ATG4C: variants seen among roughly 807,000 people sequenced by gnomAD.
ATG4C encodes cysteine protease ATG4C.
Under a neutral mutation model 57.6 loss-of-function variants are expected in ATG4C, and 56 were observed. The observed-to-expected ratio is 0.97, with a 90% CI of 0.78 to 1.21. ATG4C has a LOEUF of 1.21. Ranked by LOEUF, ATG4C falls within the 50% of genes most tolerant of loss-of-function variation. The probability of loss-of-function intolerance (pLI) is 0.00; values close to 1 mark genes in which losing one functional copy is unlikely to be tolerated. For missense variants in ATG4C, 595 were observed against 529.8 expected (o/e 1.12, Z -1.21); for synonymous variants, 157 against 174.1 (o/e 0.90, Z 0.78).
chr1:62,842,429 G>A (rs1398010394), intron 10 of ATG4C, among the ~76,000 whole-genome samples: 1 of 151,784 alleles, frequency 6.6e-6, no homozygotes, highest in East Asian at 1.9e-4. Context: ...AGCCTCCTGA[G>A]TAGCTGGGAT....
intron 6 of ATG4C, 67 bp from the exon 7 acceptor site, chr1:62,828,973 G>A: frequency 1.4e-6 from 2 of 1,426,156 alleles, no homozygotes; most frequent in Non-Finnish European, 1.9e-6. Flanking sequence ...GGATAAATTT[G>A]GGTAAAAATA....
chr1:62,837,084 A>G (rs1465585200), intron 9 of ATG4C, among the ~76,000 whole-genome samples: 1 of 151,798 alleles, frequency 6.6e-6, no homozygotes, highest in Non-Finnish European at 1.5e-5. Context: ...TAAGCCCTTG[A>G]GTCCTCTGTT....
intron 1 of ATG4C, chr1:62,785,371 C>A (rs1426410497): frequency 6.6e-6 from 1 of 152,168 alleles, no homozygotes; most frequent in African/African-American, 2.4e-5. Context: ...CCAGTTCATT[C>A]GCTATAAAAT....
At chr1:62,837,510 C>T (rs1005506781) in intron 9 of ATG4C, among the ~76,000 whole-genome samples, 2 of 152,136 alleles carry the variant, frequency 1.3e-5, no homozygotes, top group Admixed American at 1.3e-4. Flanking sequence ...GAAGAGACCT[C>T]AAATGGGCTT....
rs1457160578 is a variant in ATG4C, at chr1:62,865,271, TATTA to T, written c.*1116_*1119del. 4 of 151,920 alleles carry T rather than the reference TATTA, an allele frequency of 2.6e-5. No individual in the cohort carries two copies. The highest frequency in any genetic ancestry group is 6.6e-5 in the Admixed American group (1 of 15,248). 9.4% of individuals were successfully genotyped at this position (151,920 alleles called of 1,614,324 possible). On this transcript the variant is annotated 3_prime_UTR_variant, in exon 11 of 11. Coordinates refer to ENST00000317868, the MANE Select transcript of ATG4C (RefSeq NM_032852.4). ...AATGCATATATTGCTCTGAAAACAA[TATTA>T]ATTTTTTTAAGTGGAGCTTTCATGT...
chr1:62,840,201 C>T (rs1328015534), intron 9 of ATG4C, among the ~76,000 whole-genome samples: 1 of 152,130 alleles, frequency 6.6e-6, no homozygotes, highest in Non-Finnish European at 1.5e-5. Flanking sequence ...CTTGCCCAGG[C>T]TGAAGTGTAG....
intron 3 of ATG4C, among the ~76,000 whole-genome samples, chr1:62,809,724 A>G (rs1322087371): frequency 6.6e-6 from 1 of 151,330 alleles, no homozygotes; most frequent in Non-Finnish European, 1.5e-5. Context: ...TGAATATGCA[A>G]TGAATATGAA....
At chr1:62,804,228 A>G (rs2100296457) in intron 2 of ATG4C, among the ~76,000 whole-genome samples, 1 of 151,880 alleles carries the variant, frequency 6.6e-6, no homozygotes, top group African/African-American at 2.4e-5. Context: ...CTGGGACTAC[A>G]GGTGCGCACT....
intron 10 of ATG4C, among the ~76,000 whole-genome samples, chr1:62,854,346 T>G (rs1343175830): frequency 6.6e-6 from 1 of 151,412 alleles, no homozygotes; most frequent in Admixed American, 6.6e-5. Context: ...TGGCGCGATC[T>G]TGGTTCACTG....
chr1:62,853,228 A>T (rs898096841), intron 10 of ATG4C, among the ~76,000 whole-genome samples: 1 of 150,658 alleles, frequency 6.6e-6, no homozygotes, highest in African/African-American at 2.4e-5. Flanking sequence ...GCCAAATGAA[A>T]TTTTTTTTTT....
At chr1:62,838,580 C>A (rs1054404453) in intron 9 of ATG4C, among the ~76,000 whole-genome samples, 1 of 152,044 alleles carries the variant, frequency 6.6e-6, no homozygotes, top group African/African-American at 2.4e-5. Context: ...GAGTTTGAGA[C>A]CAGCCTGGCC....
At chr1:62,847,983 T>C (rs1304853803) in intron 10 of ATG4C, among the ~76,000 whole-genome samples, 1 of 152,222 alleles carries the variant, frequency 6.6e-6, no homozygotes, top group Non-Finnish European at 1.5e-5. Context: ...TAATCTTCTA[T>C]TAATAATCTT....
At chr1:62,863,005 G>A (rs575041459) in intron 10 of ATG4C, among the ~76,000 whole-genome samples, 2 of 151,868 alleles carry the variant, frequency 1.3e-5, no homozygotes, top group Non-Finnish European at 2.9e-5. Flanking sequence ...CTGTGGCCCT[G>A]CTTACCTATT....
chr1:62,795,803 C>A (rs556295664), intron 1 of ATG4C, among the ~76,000 whole-genome samples: 2 of 150,850 alleles, frequency 1.3e-5, no homozygotes, highest in African/African-American at 2.4e-5. Flanking sequence ...CACAGTCCAT[C>A]CTAGGCAACA....
chr1:62,790,349 A>G (rs1664236150), intron 1 of ATG4C, among the ~76,000 whole-genome samples: 1 of 152,234 alleles, frequency 6.6e-6, no homozygotes, highest in Non-Finnish European at 1.5e-5. Context: ...CTGATTCTCA[A>G]TTATATCACT....
intron 1 of ATG4C, among the ~76,000 whole-genome samples, chr1:62,791,760 T>G (rs1664281213): frequency 6.6e-6 from 1 of 152,188 alleles, no homozygotes; most frequent in Admixed American, 6.5e-5. Context: ...CATGATAACA[T>G]TCATATTTAC....
chr1:62,835,925 T>A (rs1181606347), intron 9 of ATG4C, among the ~76,000 whole-genome samples: 1 of 152,114 alleles, frequency 6.6e-6, no homozygotes, highest in East Asian at 1.9e-4. Flanking sequence ...CTGATTCTTG[T>A]GTCCAAGTTA....
intron 1 of ATG4C, among the ~76,000 whole-genome samples, chr1:62,794,924 T>C (rs983424408): frequency 6.6e-6 from 1 of 152,180 alleles, no homozygotes; most frequent in Non-Finnish European, 1.5e-5. Context: ...TGATATTTCT[T>C]ACTAAAAATG....
intron 6 of ATG4C, among the ~76,000 whole-genome samples, chr1:62,824,914 C>T (rs1290857321): frequency 6.6e-6 from 1 of 152,106 alleles, no homozygotes; most frequent in Non-Finnish European, 1.5e-5. Flanking sequence ...AGTGATCCTC[C>T]TGCCGCAGCC....
Sources: gnomAD v4.1 joint callset for allele counts (sites outside exome capture counted in the v4.1 genomes callset) on GRCh38, gnomAD v4.1.1 for gene constraint, MANE v1.5 for transcripts, NCBI Gene and HGNC (gene_info 2026-07-23, HGNC 2026-07-21) for gene names.